The following ZSWIM7 variants were observed in gnomAD, a reference collection of about 807,000 sequenced individuals.
ZSWIM7 encodes zinc finger SWIM-type containing 7.
Under a neutral mutation model 21.1 loss-of-function variants are expected in ZSWIM7, and 22 were observed. The observed-to-expected ratio is 1.04, with a 90% CI of 0.74 to 1.49. ZSWIM7 has a LOEUF of 1.49. Ranked by LOEUF, ZSWIM7 falls within the 40% of genes most tolerant of loss-of-function variation. The pLI, the probability that ZSWIM7 is intolerant of heterozygous loss-of-function variation, is 0.00. For missense variants in ZSWIM7, 193 were observed against 168.0 expected (o/e 1.15, Z -0.82); for synonymous variants, 67 against 66.5 (o/e 1.01, Z -0.04).
In ZSWIM7 at chr17:15,976,949, C is replaced by G. The variant is rs77057581; in HGVS notation, c.*1098G>C. 3 of 152,210 alleles carry G rather than the reference C, an allele frequency of 2.0e-5. No homozygotes were observed. The South Asian group carries it at 6.2e-4, about 32-fold the overall frequency. The allele number at this position is 152,210 out of a possible 1,614,324, so 9.4% of individuals were successfully genotyped here. A position where few individuals can be genotyped will look rare whatever the true frequency, so the allele number is the denominator to read the frequency against. On this transcript the variant is annotated 3_prime_UTR_variant, in exon 5 of 5. Transcript: ENST00000399277. ...ACGTATTATTGCTTCTTTGCTCTCTCGGTGTCCAACTGAGTCTCATCGCTC... is the reference window on the plus strand; with the variant it reads ...ACGTATTATTGCTTCTTTGCTCTCTGGGTGTCCAACTGAGTCTCATCGCTC...
At chr17:15,991,410 GAA>G (rs1970480552) in intron 2 of ZSWIM7, among the ~76,000 whole-genome samples, 1 of 152,126 alleles carries the variant, frequency 6.6e-6, no homozygotes, top group South Asian at 2.1e-4. Context: ...CTGGGTCAAA[GAA>G]TATGTATGTT....
Position 15,999,579 on chromosome 17 carries a change from G to A in ZSWIM7, c.16C>T (p.Pro6Ser). ...CTCAGGAGCTCCTCCACAACCGCCGGCAACACTACGGCCATCGCGCCGCAG... is the reference window on the plus strand; with the variant it reads ...CTCAGGAGCTCCTCCACAACCGCCGACAACACTACGGCCATCGCGCCGCAG... MAVVL[P>S]AVVEELLSEM... Residue 6 changes from proline to serine, a missense_variant, in exon 1 of 5, where the codon CCG becomes TCG. By Grantham distance (74) the Pro-to-Ser change is moderately conservative (BLOSUM62 -1). Transcript: ENST00000399277. The A allele has an allele frequency of 5.7e-6, 9 of 1,587,702 alleles. No individual in the cohort carries two copies. The highest frequency in any genetic ancestry group is 7.7e-6 in the Non-Finnish European group (9 of 1,168,360).
At chr17:15,981,664 T>A (rs1205504142) in intron 3 of ZSWIM7, among the ~76,000 whole-genome samples, 1 of 151,992 alleles carries the variant, frequency 6.6e-6, no homozygotes, top group Admixed American at 6.6e-5. Flanking sequence ...ATCCCAGCAC[T>A]TTGGGAGGTC....
At chr17:15,999,348 C>T (rs1225004350) in intron 1 of ZSWIM7, 171 bp downstream of exon 1, 1 of 927,530 alleles carries the variant, frequency 1.1e-6, no homozygotes, top group South Asian at 1.5e-5. Context: ...TCCAATTTCG[C>T]TTTTTTGTTG....
chr17:15,991,238 T>C (rs1970478574), intron 2 of ZSWIM7: 1 of 151,916 alleles, frequency 6.6e-6, no homozygotes, highest in African/African-American at 2.4e-5. Context: ...AGATGAATCA[T>C]TTTTATTCTC....
chr17:15,990,742 T>C (rs1407553710), intron 2 of ZSWIM7: 2 of 152,140 alleles, frequency 1.3e-5, no homozygotes, highest in African/African-American at 4.8e-5. Context: ...TTGGGGGAAA[T>C]AGAAAAGAGT....
rs200178597 is a variant in ZSWIM7, at chr17:15,999,631, G to T, written c.-37C>A. ...ACACGCCCTCCACGACCGGCGGACC[G>T]CCGCGACGCTCCAGCTGACTGCGCC... On this transcript the variant is annotated 5_prime_UTR_variant, in exon 1 of 5. Coordinates refer to ENST00000399277, the MANE Select transcript of ZSWIM7 (RefSeq NM_001042697.2). The T allele has an allele frequency of 1.3e-6, 2 of 1,566,522 alleles. No individual in the cohort carries two copies. The highest frequency in any genetic ancestry group is 1.9e-5 in the Admixed American group (1 of 53,564).
At chr17:15,979,416 A>G (rs997508022) in intron 4 of ZSWIM7, among the ~76,000 whole-genome samples, 4 of 152,152 alleles carry the variant, frequency 2.6e-5, no homozygotes, top group Non-Finnish European at 2.9e-5. Flanking sequence ...CAACCATCCA[A>G]TTTCTCAATC....
chr17:15,994,920 A>G lies in ZSWIM7; in HGVS notation c.77-1142T>C, dbSNP rs546268590. Among the ~76,000 whole-genome samples, 3 of 152,254 alleles carry G rather than the reference A, an allele frequency of 2.0e-5. No individual in the cohort carries two copies. In the South Asian group the frequency reaches 6.2e-4, roughly 32 times the overall value. ...CTTCCAATATACTTTTTAGTCTTCC[A>G]CTCTGAAATATGACTAGACAGCCAA... is the stretch of plus-strand genomic sequence containing the variant. On this transcript the variant is annotated intron_variant, in intron 1 of 4. Transcript: ENST00000399277.
At chr17:15,993,623 C>T in intron 2 of ZSWIM7, 134 bp downstream of exon 2, 2 of 655,780 alleles carry the variant, frequency 3.0e-6, no homozygotes, top group East Asian at 3.2e-5. Flanking sequence ...ACCTTGGCCT[C>T]CCAAAGTGCT....
Position 15,999,688 on chromosome 17 carries a change from G to A in ZSWIM7, c.-94C>T. 6.4e-7 allele frequency: 1 copy of A among 1,555,432 alleles called. No individual in the cohort carries two copies. Among genetic ancestry groups the A allele is most frequent in the Non-Finnish European group, 8.7e-7 (1 of 1,149,514 alleles). The stretch of plus-strand genomic sequence containing the variant: ...TGGAGGATCCTGACCCCCCGCCGGG[G>A]CAGGGCGAGACGGAGTGACGTCGGG... On this transcript the variant is annotated 5_prime_UTR_variant, in exon 1 of 5. Transcript: ENST00000399277.
chr17:15,997,016 C>T (rs1454126167), intron 1 of ZSWIM7, among the ~76,000 whole-genome samples: 1 of 151,712 alleles, frequency 6.6e-6, no homozygotes, highest in Non-Finnish European at 1.5e-5. Context: ...AAAAACTAGC[C>T]AGCTGTGGTA....
intron 1 of ZSWIM7, among the ~76,000 whole-genome samples, chr17:15,997,375 T>A (rs1290655446): frequency 1.3e-5 from 2 of 152,160 alleles, no homozygotes; most frequent in African/African-American, 4.8e-5. Context: ...CATCTGAACA[T>A]CTTGAGGGGA....
At chr17:15,985,166 T>C (rs1970394589) in intron 3 of ZSWIM7, among the ~76,000 whole-genome samples, 1 of 152,068 alleles carries the variant, frequency 6.6e-6, no homozygotes, top group African/African-American at 2.4e-5. Context: ...TAGCCAGGCG[T>C]GGTGGTACAC....
chr17:15,996,574 A>C (rs1970557984), intron 1 of ZSWIM7, among the ~76,000 whole-genome samples: 1 of 152,098 alleles, frequency 6.6e-6, no homozygotes, highest in Non-Finnish European at 1.5e-5. Context: ...AAAAAATAGA[A>C]AAGAAAGCCT....
At chr17:15,991,154 A>G (rs1233608538) in intron 2 of ZSWIM7, 1 of 144,370 alleles carries the variant, frequency 6.9e-6, no homozygotes, top group Non-Finnish European at 1.5e-5. Flanking sequence ...TTTAATACCT[A>G]CTGTGAACAT....
chr17:15,980,009 G>A (rs1217357619), intron 4 of ZSWIM7, among the ~76,000 whole-genome samples: 4 of 143,818 alleles, frequency 2.8e-5, no homozygotes, highest in Admixed American at 2.8e-4. Context: ...TCATCTCCCG[G>A]ACGAGGCGGC....
At position 15,999,641 on chromosome 17, in the gene ZSWIM7, T is replaced by C. The variant is rs768630251; in HGVS notation, c.-47A>G. 5 of 1,566,206 alleles carry C rather than the reference T, an allele frequency of 3.2e-6. No individual in the cohort carries two copies. Among genetic ancestry groups the C allele is most frequent in the South Asian group, 1.2e-5 (1 of 85,750 alleles). ...CACGACCGGCGGACCGCCGCGACGC[T>C]CCAGCTGACTGCGCCTACCTGTGGA... On this transcript the variant is annotated 5_prime_UTR_variant, in exon 1 of 5. Transcript: ENST00000399277.
intron 3 of ZSWIM7, among the ~76,000 whole-genome samples, chr17:15,986,578 T>C (rs1199962702): frequency 1.3e-5 from 2 of 151,076 alleles, no homozygotes; most frequent in Non-Finnish European, 2.9e-5. Context: ...TTGGGCAACA[T>C]AGCAAGACCC....
Sources: allele counts gnomAD v4.1 joint callset (sites outside exome capture counted in the v4.1 genomes callset), GRCh38; gene constraint gnomAD v4.1.1; transcripts MANE v1.5; gene names NCBI Gene and HGNC (gene_info 2026-07-23, HGNC 2026-07-21).